Variants in KCNN2 observed in about 807,000 individuals in gnomAD.
The protein encoded by KCNN2 is small conductance calcium-activated potassium channel protein 2.
KCNN2 carries 24 observed loss-of-function variants against 55.5 expected under a neutral mutation model. The observed-to-expected ratio is 0.43, with a 90% CI of 0.31 to 0.61. The LOEUF is 0.61. KCNN2 is among the 20% of genes least tolerant of loss of function. KCNN2 has a pLI of 0.08. For missense variants in KCNN2, 754 were observed against 853.6 expected, an observed-to-expected ratio of 0.88 and a Z score of 1.45; for synonymous variants, 431 against 336.1, an observed-to-expected ratio of 1.28 and a Z score of -3.09.
intron 1 of KCNN2, among the ~76,000 whole-genome samples, chr5:114,187,738 C>G (rs960892678): frequency 2.0e-5 from 3 of 151,800 alleles, no homozygotes; most frequent in Non-Finnish European, 2.9e-5. Context: ...AATCTCCTGA[C>G]CTCGAGATCC....
intron 1 of KCNN2, among the ~76,000 whole-genome samples, chr5:114,192,724 G>A (rs1580606233): frequency 1.3e-5 from 2 of 152,212 alleles, no homozygotes; most frequent in East Asian, 3.9e-4. Context: ...TATATCATGA[G>A]CCATGAAATG....
At chr5:114,460,752 T>A (rs1761153556) in intron 3 of KCNN2, among the ~76,000 whole-genome samples, 1 of 152,146 alleles carries the variant, frequency 6.6e-6, no homozygotes, top group Non-Finnish European at 1.5e-5. Context: ...AATTAGAAAA[T>A]GCAAGTTAAG....
intron 2 of KCNN2, among the ~76,000 whole-genome samples, chr5:114,259,004 A>G (rs894614315): frequency 3.9e-5 from 6 of 152,052 alleles, no homozygotes; most frequent in African/African-American, 1.2e-4. Context: ...ACCTGTGCCA[A>G]TTTCCTGTGG....
At chr5:114,361,651 C>CT (rs11405082), upstream of KCNN2, among the ~76,000 whole-genome samples, 120,797 of 152,056 alleles carry the variant, frequency 0.79, 48,191 homozygotes, top group East Asian at 0.97. Context: ...AGCCTGCCCC[C>CT]GGCCAAGGTG....
intron 2 of KCNN2, among the ~76,000 whole-genome samples, chr5:114,328,228 T>C (rs937770089): frequency 6.6e-6 from 1 of 152,154 alleles, no homozygotes. Flanking sequence ...TAACTCCAGG[T>C]GTGCTAGCTG....
chr5:114,393,036 TCTC>T (rs1277066800), intron 2 of KCNN2, among the ~76,000 whole-genome samples: 1 of 152,114 alleles, frequency 6.6e-6, no homozygotes, highest in African/African-American at 2.4e-5. Context: ...CCTCCTCTGA[TCTC>T]CTCTGTATTT....
chr5:114,427,584 AT>A (rs1482621646), intron 3 of KCNN2, among the ~76,000 whole-genome samples: 4 of 152,226 alleles, frequency 2.6e-5, no homozygotes, highest in African/African-American at 9.6e-5. Context: ...AGTTTACACC[AT>A]TTGGTGATAA....
intron 3 of KCNN2, among the ~76,000 whole-genome samples, chr5:114,429,266 A>G (rs1028412551): frequency 6.6e-6 from 1 of 152,122 alleles, no homozygotes; most frequent in Non-Finnish European, 1.5e-5. Context: ...TACAAATCAA[A>G]ATACAATGAG....
intron 1 of KCNN2, among the ~76,000 whole-genome samples, chr5:114,071,656 A>T (rs570793416): frequency 1.3e-5 from 2 of 152,342 alleles, no homozygotes; most frequent in East Asian, 1.9e-4. Context: ...TTAGGAAAAA[A>T]GTGAATGAAT....
chr5:114,441,404 C>A (rs374569051), intron 3 of KCNN2, among the ~76,000 whole-genome samples: 1 of 152,122 alleles, frequency 6.6e-6, no homozygotes, highest in Non-Finnish European at 1.5e-5. Flanking sequence ...TAGACTGTTT[C>A]AGTAATTGAC....
intron 1 of KCNN2, among the ~76,000 whole-genome samples, chr5:114,135,869 C>T (rs1752164126): frequency 6.6e-6 from 1 of 151,902 alleles, no homozygotes; most frequent in East Asian, 1.9e-4. Flanking sequence ...GAGAAAAGCT[C>T]TTGGAAATTA....
chr5:114,261,673 C>G (rs1369777304), intron 2 of KCNN2, among the ~76,000 whole-genome samples: 1 of 152,178 alleles, frequency 6.6e-6, no homozygotes, highest in South Asian at 2.1e-4. Context: ...GTGGGGTGAG[C>G]AGGCAGATAA....
chr5:114,151,441 T>C (rs1283170794), intron 1 of KCNN2, among the ~76,000 whole-genome samples: 2 of 151,902 alleles, frequency 1.3e-5, no homozygotes, highest in Admixed American at 1.3e-4. Context: ...GGGGTTGTAA[T>C]GAGAAGAGTT....
intron 2 of KCNN2, among the ~76,000 whole-genome samples, chr5:114,287,630 G>T (rs900298040): frequency 6.6e-6 from 1 of 151,928 alleles, no homozygotes; most frequent in Non-Finnish European, 1.5e-5. Context: ...GATAGCATTA[G>T]GACAAATACC....
At chr5:114,108,719 T>C (rs186160524) in intron 1 of KCNN2, among the ~76,000 whole-genome samples, 1 of 152,106 alleles carries the variant, frequency 6.6e-6, no homozygotes. Context: ...TTCTTATTGT[T>C]GAGTAATATG....
chr5:114,495,997 G>A lies in KCNN2; in HGVS notation c.2191G>A (p.Gly731Ser), dbSNP rs759738474. The A allele has an allele frequency of 1.2e-5, 19 of 1,613,934 alleles. No homozygotes were observed. The Admixed American group carries it at 3.2e-4, about 27-fold the overall frequency. The change falls in exon 8 of 8, where the codon GGT becomes AGT. Residue 731 changes from glycine (G) to serine (S), a missense_variant. Transcript: ENST00000673685. ...TLETKLETLI[G>S]SIHALPGLIS... is the part of the protein sequence containing the mutation. ...GGAAACAAAACTAGAGACTTTGATT[G>A]GTAGCATCCACGCCCTCCCTGGGCT...
chr5:114,320,406 G>A (rs1214845987), intron 2 of KCNN2, among the ~76,000 whole-genome samples: 1 of 152,116 alleles, frequency 6.6e-6, no homozygotes, highest in Non-Finnish European at 1.5e-5. Flanking sequence ...GAGGTCAGGA[G>A]ATCAAGACCA....
In KCNN2 at chr5:114,260,798, G is replaced by A. The variant is rs114311472; in HGVS notation, c.-185+39233G>A. Among the ~76,000 whole-genome samples the A allele has an allele frequency of 1.3e-3, 205 of 152,236 alleles. 1 individual carries two copies. The highest frequency in any genetic ancestry group is 4.8e-3 in the African/African-American group (198 of 41,532). ...TCCCATATAGCTAGGTGTCCATTGGGTGCAGGTGGCTTTCATTTGCATATG... is the reference window on the plus strand; with the variant it reads ...TCCCATATAGCTAGGTGTCCATTGGATGCAGGTGGCTTTCATTTGCATATG... On this transcript the variant is annotated intron_variant, in intron 2 of 10. Coordinates refer to the KCNN2 transcript ENST00000512097.
chr5:114,110,232 T>C (rs1386784189), intron 1 of KCNN2, among the ~76,000 whole-genome samples: 1 of 151,978 alleles, frequency 6.6e-6, no homozygotes, highest in African/African-American at 2.4e-5. Flanking sequence ...TTAAGACAGG[T>C]AACAAGCCAA....
Sources: gnomAD v4.1 joint callset for allele counts (sites outside exome capture counted in the v4.1 genomes callset) on GRCh38, gnomAD v4.1.1 for gene constraint, MANE v1.5 for transcripts, NCBI Gene and HGNC (gene_info 2026-07-23, HGNC 2026-07-21) for gene names.